The following LARGE1 variants were observed in gnomAD, a reference collection of about 807,000 sequenced individuals.
The protein encoded by LARGE1 is xylosyl- and glucuronyltransferase LARGE1.
A neutral mutation model predicts 87.6 loss-of-function variants in LARGE1; 43 were observed. The ratio of observed to expected loss-of-function variants is 0.49; its 90% confidence interval spans 0.38 to 0.63. The LOEUF is 0.63. LARGE1 is among the 30% of genes least tolerant of loss of function. The probability of loss-of-function intolerance (pLI) is 0.00; values close to 1 mark genes in which losing one functional copy is unlikely to be tolerated. For synonymous variants in LARGE1, 434 were observed against 394.6 expected (o/e 1.10, Z -1.18); for missense variants, 802 against 1,000.2 (o/e 0.80, Z 2.67).
At chr22:33,816,993 G>A (rs937783709) in intron 1 of LARGE1, among the ~76,000 whole-genome samples, 1 of 152,100 alleles carries the variant, frequency 6.6e-6, no homozygotes, top group African/African-American at 2.4e-5. Context: ...CTGGGAAGTC[G>A]GGGTGGAGGG....
At chr22:33,389,574 G>T (rs566741984) in intron 7 of LARGE1, among the ~76,000 whole-genome samples, 1 of 152,244 alleles carries the variant, frequency 6.6e-6, no homozygotes, top group Non-Finnish European at 1.5e-5. Context: ...GCTGGGTGCG[G>T]TGGCTCATGC....
In LARGE1 at chr22:33,536,185, C is replaced by G. The variant is rs1280482223; in HGVS notation, c.787+28663G>C. On this transcript the variant is annotated intron_variant, in intron 6 of 14. Coordinates refer to ENST00000397394, the MANE Select transcript of LARGE1 (RefSeq NM_133642.5). ...CTGGAGAACAAATTAATGGTAGAGA[C>G]GAGACTATTTGAGGACAATCTGCAG... Among the ~76,000 whole-genome samples, 6 of 152,078 alleles carry G rather than the reference C, an allele frequency of 3.9e-5. No homozygotes were observed. The South Asian group carries it at 1.0e-3, about 26-fold the overall frequency.
chr22:33,237,471 T>C (rs1926307849), intron 11 of LARGE1, among the ~76,000 whole-genome samples: 3 of 151,784 alleles, frequency 2.0e-5, no homozygotes, highest in Admixed American at 2.0e-4. Context: ...TGAATGTTTA[T>C]GAGCTCATGT....
At chr22:33,123,384 T>C in the LARGE1 span, among the ~76,000 whole-genome samples, 1 of 152,108 alleles carries the variant, frequency 6.6e-6, no homozygotes, top group Non-Finnish European at 1.5e-5. Context: ...TTTTTTCCTC[T>C]TTAAATCATC....
intron 6 of LARGE1, among the ~76,000 whole-genome samples, chr22:33,478,555 C>A (rs149856905): frequency 1.5e-3 from 232 of 152,344 alleles, no homozygotes; most frequent in Middle Eastern, 3.4e-3. Flanking sequence ...ATGAAGAGGT[C>A]AAACAGATTT....
intron 2 of LARGE1, among the ~76,000 whole-genome samples, chr22:33,728,375 C>T (rs1374705478): frequency 6.6e-6 from 1 of 151,838 alleles, no homozygotes; most frequent in African/African-American, 2.4e-5. Flanking sequence ...CCCGTCTCTA[C>T]TAAAAATACA....
chr22:33,582,450 GAAAA>G (rs1473092042), intron 5 of LARGE1, among the ~76,000 whole-genome samples: 1 of 151,804 alleles, frequency 6.6e-6, no homozygotes, highest in Non-Finnish European at 1.5e-5. Context: ...CTTAAAGAAA[GAAAA>G]GTGACAACTC....
intron 6 of LARGE1, among the ~76,000 whole-genome samples, chr22:33,493,285 C>T (rs1454108404): frequency 6.6e-6 from 1 of 151,788 alleles, no homozygotes; most frequent in Admixed American, 6.6e-5. Context: ...CTCAGCCTCC[C>T]TAGCAGCTGG....
the LARGE1 span, among the ~76,000 whole-genome samples, chr22:33,138,047 C>T: frequency 6.6e-6 from 1 of 152,162 alleles, no homozygotes; most frequent in African/African-American, 2.4e-5. Flanking sequence ...GATCCACTGA[C>T]AGCTTGCAGC....
At chr22:33,596,021 G>C (rs1180305462) in intron 5 of LARGE1, among the ~76,000 whole-genome samples, 1 of 152,156 alleles carries the variant, frequency 6.6e-6, no homozygotes, top group African/African-American at 2.4e-5. Context: ...CTTATCTCTG[G>C]AAGTATTCAA....
chr22:33,271,120 A>T (rs1049345757), downstream of LARGE1, among the ~76,000 whole-genome samples: 1 of 152,156 alleles, frequency 6.6e-6, no homozygotes, highest in African/African-American at 2.4e-5. Flanking sequence ...ATTTTAGGAG[A>T]TTGCTGTCTG....
intron 2 of LARGE1, among the ~76,000 whole-genome samples, chr22:33,701,482 T>G (rs1158844841): frequency 6.6e-6 from 1 of 152,166 alleles, no homozygotes; most frequent in Non-Finnish European, 1.5e-5. Flanking sequence ...AGGTTGGTAG[T>G]GTAGGGTGGA....
intron 12 of LARGE1, among the ~76,000 whole-genome samples, chr22:33,296,891 G>A (rs1933351683): frequency 6.6e-6 from 1 of 152,154 alleles, no homozygotes; most frequent in Non-Finnish European, 1.5e-5. Flanking sequence ...TTTTAGTACT[G>A]CTGTGCCCTT....
At chr22:33,256,746 G>C (rs1294665822) in intron 11 of LARGE1, among the ~76,000 whole-genome samples, 1 of 152,204 alleles carries the variant, frequency 6.6e-6, no homozygotes, top group Non-Finnish European at 1.5e-5. Flanking sequence ...CATGCGGTCT[G>C]TATCAACTCA....
At chr22:33,074,911 C>A in the LARGE1 span, among the ~76,000 whole-genome samples, 1 of 152,128 alleles carries the variant, frequency 6.6e-6, no homozygotes, top group Non-Finnish European at 1.5e-5. Context: ...GTGCTTTACA[C>A]ATGTTAACAT....
At chr22:33,789,928 T>C (rs1471738480) in intron 1 of LARGE1, among the ~76,000 whole-genome samples, 1 of 152,172 alleles carries the variant, frequency 6.6e-6, no homozygotes, top group East Asian at 1.9e-4. Flanking sequence ...TTTGAGTTAA[T>C]GCTGAAATGA....
chr22:33,178,926 C>T (rs868105257), intron 11 of LARGE1, among the ~76,000 whole-genome samples: 3 of 152,076 alleles, frequency 2.0e-5, no homozygotes, highest in African/African-American at 7.2e-5. Flanking sequence ...TTATTTCTTA[C>T]AGTTTTGAAA....
intron 9 of LARGE1, among the ~76,000 whole-genome samples, chr22:33,373,468 G>T (rs2064886081): frequency 2.0e-5 from 3 of 152,106 alleles, no homozygotes; most frequent in African/African-American, 4.8e-5. Flanking sequence ...TGAGGCAGAG[G>T]TTTCCTCTGG....
At chr22:33,598,820 G>A (rs764722248) in intron 5 of LARGE1, among the ~76,000 whole-genome samples, 1 of 152,164 alleles carries the variant, frequency 6.6e-6, no homozygotes, top group Non-Finnish European at 1.5e-5. Flanking sequence ...TGTGAATAGA[G>A]CCACAATAAA....
Sources: gnomAD v4.1 joint callset for allele counts (sites outside exome capture counted in the v4.1 genomes callset) on GRCh38, gnomAD v4.1.1 for gene constraint, MANE v1.5 for transcripts, NCBI Gene and HGNC (gene_info 2026-07-23, HGNC 2026-07-21) for gene names.